NBPF20: variants seen among roughly 807,000 people sequenced by gnomAD.
NBPF20 encodes the protein NBPF member 20.
Under a neutral mutation model 68.1 loss-of-function variants are expected in NBPF20, and 90 were observed. That is an observed-to-expected ratio of 1.32 (90% CI 1.11 to 1.58). The LOEUF (loss-of-function observed/expected upper bound fraction) is 1.58. Among genes scored for constraint, NBPF20 ranks in the 40% most tolerant of loss-of-function variants. NBPF20 has a pLI of 0.00. For synonymous variants in NBPF20, 290 were observed against 228.1 expected, an observed-to-expected ratio of 1.27 and a Z score of -2.45; for missense variants, 816 against 601.2, an observed-to-expected ratio of 1.36 and a Z score of -3.74.
chr1:145,291,543 C>A (rs1553657573), exon 138 of NBPF20: 1 of 1,612,024 alleles, frequency 6.2e-7, no homozygotes. Context: ...GGGAATATGA[C>A]TCCCATCTGG....
At chr1:145,393,556 G>T (rs1571360199) in intron 9 of NBPF20, among the ~76,000 whole-genome samples, 1 of 152,000 alleles carries the variant, frequency 6.6e-6, no homozygotes, top group Admixed American at 6.6e-5. Flanking sequence ...CTCTGTATTT[G>T]TGCTCTCAGG....
Position 145,392,781 on chromosome 1 carries a change from G to C in NBPF20, c.1216+293C>G, listed in dbSNP as rs1226428927. On this transcript the variant is annotated intron_variant, in intron 10 of 137. Transcript: ENST00000369373. ...TGAAATCTACAAGATCTACAAAATT[G>C]AGACAAAATCAGAGTTGTGTGAATT... 2.1e-4 allele frequency among the ~76,000 whole-genome samples: 19 copies of C among 90,310 alleles called. 5 individuals are homozygous for C. Among genetic ancestry groups the C allele is most frequent in the Non-Finnish European group, 3.1e-4 (16 of 51,324 alleles). The allele number at this position is 90,310 out of a possible 152,430, so 59.2% of individuals were successfully genotyped here. A position where few individuals can be genotyped will look rare whatever the true frequency, so the allele number is the denominator to read the frequency against.
At chr1:145,394,665 AC>A (rs1284734741) in intron 8 of NBPF20, among the ~76,000 whole-genome samples, 1 of 151,996 alleles carries the variant, frequency 6.6e-6, no homozygotes, top group East Asian at 1.9e-4. Flanking sequence ...AGCTGAGCTG[AC>A]AGACAACTCC....
intron 137 of NBPF20, 30 bp from the exon 143 acceptor site, chr1:145,291,799 G>T (rs782348588): frequency 1.2e-6 from 2 of 1,611,788 alleles, no homozygotes; most frequent in Non-Finnish European, 1.7e-6. Flanking sequence ...TAAAGAAGCA[G>T]CCAGGGAAAA....
At chr1:145,406,429 A>G (rs1401338150), upstream of NBPF20, among the ~76,000 whole-genome samples, 2 of 151,004 alleles carry the variant, frequency 1.3e-5, no homozygotes, top group Non-Finnish European at 3.0e-5. Context: ...TTCTCATACA[A>G]TTATTTCTGT....
chr1:145,407,710 G>A (rs1436740183), upstream of NBPF20: 13 of 152,640 alleles, frequency 8.5e-5, 1 homozygote, highest in South Asian at 1.7e-3. Flanking sequence ...CAGCCCAGGC[G>A]GCCCCAGCAG....
the NBPF20 span, among the ~76,000 whole-genome samples, chr1:145,421,975 C>A: frequency 1.3e-5 from 2 of 151,780 alleles, no homozygotes; most frequent in African/African-American, 4.8e-5. Context: ...GAGGTCAAGG[C>A]TGCAGAGACC....
chr1:145,425,475 C>G, the NBPF20 span, among the ~76,000 whole-genome samples: 1 of 152,206 alleles, frequency 6.6e-6, no homozygotes, highest in Non-Finnish European at 1.5e-5. Flanking sequence ...CCAAAAGCAC[C>G]GCGTTCACTC....
At position 145,393,627 on chromosome 1, in the gene NBPF20, C is replaced by T. The variant is rs1200454707; in HGVS notation, c.1043+257G>A. The T allele has an allele frequency of 9.2e-4, 806 of 872,598 alleles. 8 individuals are homozygous for T. In the East Asian group the frequency reaches 0.018, roughly 19 times the overall value. The allele number at this position is 872,598 out of a possible 1,614,324, so 54.1% of individuals were successfully genotyped here. A position where few individuals can be genotyped will look rare whatever the true frequency, so the allele number is the denominator to read the frequency against. On this transcript the variant is annotated intron_variant, in intron 9 of 137. Coordinates refer to ENST00000369373, the Ensembl canonical transcript of NBPF20. ...TCAATAATTTTGCATAAAATGTGCT[C>T]AAGTTTCCCTGCAGTTACCATGAGA...
intron 9 of NBPF20, among the ~76,000 whole-genome samples, chr1:145,393,458 A>G (rs879070128): frequency 6.1e-3 from 877 of 143,120 alleles, no homozygotes; most frequent in Middle Eastern, 0.014. Context: ...CACACACACA[A>G]ACACACACAC....
Position 145,393,657 on chromosome 1 carries a change from A to G in NBPF20, c.1043+227T>C, listed in dbSNP as rs1358169667. On this transcript the variant is annotated intron_variant, in intron 9 of 137. Transcript: ENST00000369373. ...TTCCCTGCAGTTACCATGAGAATAC[A>G]GCTTTTGAGTTATGGTCAACTTTCA... The G allele has an allele frequency of 1.4e-4, 170 of 1,217,960 alleles. 2 individuals carry two copies. The South Asian group carries it at 2.2e-3, about 16-fold the overall frequency. 75.4% of individuals were successfully genotyped at this position (1,217,960 alleles called of 1,614,324 possible). A position where few individuals can be genotyped will look rare whatever the true frequency, so the allele number is the denominator to read the frequency against.
upstream of NBPF20, among the ~76,000 whole-genome samples, chr1:145,406,184 T>A (rs1265539993): frequency 6.7e-6 from 1 of 149,670 alleles, no homozygotes; most frequent in Non-Finnish European, 1.5e-5. Flanking sequence ...ATCTGCCGCC[T>A]CGGCCTCCCA....
At chr1:145,294,646 A>G in intron 134 of NBPF20, 136 bp downstream of exon 139, 1 of 73,830 alleles carries the variant, frequency 1.4e-5, no homozygotes, top group Non-Finnish European at 2.1e-5. Flanking sequence ...CAGTTTCATT[A>G]CAACCTATAT....
chr1:145,397,408 C>A (rs1406190662), intron 7 of NBPF20, among the ~76,000 whole-genome samples: 24 of 152,310 alleles, frequency 1.6e-4, no homozygotes, highest in Admixed American at 3.9e-4. Flanking sequence ...GTTCCTATTT[C>A]TCCACATCCT....
At chr1:145,400,397 A>T in exon 6 of NBPF20, 1 of 1,612,852 alleles carries the variant, frequency 6.2e-7, no homozygotes, top group Non-Finnish European at 8.5e-7. Context: ...ACCTGGAATA[A>T]TGTGTACAGC....
intron 6 of NBPF20, among the ~76,000 whole-genome samples, 165 bp from the exon 12 acceptor site, chr1:145,399,265 A>T (rs1222091903): frequency 1.3e-5 from 2 of 152,162 alleles, no homozygotes; most frequent in African/African-American, 2.4e-5. Flanking sequence ...GGTGAGAATT[A>T]GATAACCCTG....
In NBPF20 at chr1:145,402,420, G is replaced by T. The variant is rs1276389088; in HGVS notation, c.279-39C>A. 63 of 1,604,518 alleles carry T rather than the reference G, an allele frequency of 3.9e-5. No homozygotes were observed. The East Asian group carries it at 1.3e-3, about 34-fold the overall frequency. On this transcript the variant is annotated intron_variant, in intron 3 of 137. Coordinates refer to ENST00000369373, the Ensembl canonical transcript of NBPF20. ...GTAGAGAAAATTTAAGAGTGGAAAG[G>T]TTCAGTGATCCGCTCAAATATTGCA...
chr1:145,291,469 C>T, exon 138 of NBPF20: 1 of 1,611,958 alleles, frequency 6.2e-7, no homozygotes, highest in Non-Finnish European at 8.5e-7. Context: ...TTCAAATCTT[C>T]ACGTGCCTAT....
At chr1:145,400,781 C>G (rs1180357199) in intron 5 of NBPF20, among the ~76,000 whole-genome samples, 187 bp from the exon 11 acceptor site, 1 of 152,010 alleles carries the variant, frequency 6.6e-6, no homozygotes, top group Non-Finnish European at 1.5e-5. Flanking sequence ...CCATGGGAAC[C>G]AGAGAGGAAG....
Sources: allele counts gnomAD v4.1 joint callset (sites outside exome capture counted in the v4.1 genomes callset), GRCh38; gene constraint gnomAD v4.1.1; transcripts MANE v1.5; gene names NCBI Gene and HGNC (gene_info 2026-07-23, HGNC 2026-07-21).